COL10A1: variants seen among roughly 807,000 people sequenced by gnomAD.
COL10A1 encodes the protein collagen type X alpha 1 chain, also known as collagen alpha-1(X) chain.
COL10A1 carries 10 observed loss-of-function variants against 18.2 expected under a neutral mutation model. The ratio of observed to expected loss-of-function variants is 0.55; its 90% CI spans 0.34 to 0.93. COL10A1 has a LOEUF of 0.93. COL10A1 is among the 40% of genes least tolerant of loss of function. The pLI is 0.02. For missense variants in COL10A1, 897 were observed against 853.5 expected (o/e 1.05, Z -0.64); for synonymous variants, 330 against 316.6 (o/e 1.04, Z -0.45).
the COL10A1 span, among the ~76,000 whole-genome samples, chr6:116,170,839 G>T: frequency 1.3e-4 from 20 of 152,194 alleles, no homozygotes; most frequent in South Asian, 3.7e-3. Flanking sequence ...CCCACCTGCC[G>T]TGTAGCCTAT....
intron 1 of COL10A1, among the ~76,000 whole-genome samples, chr6:116,143,929 T>C (rs564883697): frequency 2.6e-5 from 4 of 152,344 alleles, no homozygotes; most frequent in African/African-American, 7.2e-5. Flanking sequence ...TTTGTAATGC[T>C]TTATAATAAA....
chr6:116,191,427 A>G, the COL10A1 span, among the ~76,000 whole-genome samples: 1 of 152,086 alleles, frequency 6.6e-6, no homozygotes, highest in Admixed American at 6.6e-5. Flanking sequence ...ACGGGAAAGA[A>G]GAGGAGGGAA....
exon 1 of COL10A1, chr6:116,158,718 G>C (rs1582842416): frequency 2.6e-5 from 4 of 152,286 alleles, no homozygotes; most frequent in Admixed American, 2.6e-4. Context: ...CATGGATGCT[G>C]TCAGTGGTGA....
At chr6:116,155,112 C>G (rs1354885435) in intron 1 of COL10A1, among the ~76,000 whole-genome samples, 1 of 152,064 alleles carries the variant, frequency 6.6e-6, no homozygotes, top group Non-Finnish European at 1.5e-5. Context: ...CCATTACTTT[C>G]AATGGCAAAG....
intron 1 of COL10A1, among the ~76,000 whole-genome samples, chr6:116,146,495 A>G (rs1184415386): frequency 6.6e-6 from 1 of 152,218 alleles, no homozygotes; most frequent in Non-Finnish European, 1.5e-5. Flanking sequence ...AGCCAGAGAA[A>G]TTCTTAGCTG....
chr6:116,217,117 G>A, the COL10A1 span, among the ~76,000 whole-genome samples: 1 of 152,130 alleles, frequency 6.6e-6, no homozygotes, highest in Non-Finnish European at 1.5e-5. Flanking sequence ...GATAGAAATA[G>A]TGATGTGGCA....
chr6:116,179,378 C>T, the COL10A1 span, among the ~76,000 whole-genome samples: 83 of 152,050 alleles, frequency 5.5e-4, no homozygotes, highest in Non-Finnish European at 1.0e-3. Context: ...AGCATTCATT[C>T]CTTTTCATGC....
chr6:116,169,124 T>C, the COL10A1 span, among the ~76,000 whole-genome samples: 2 of 152,186 alleles, frequency 1.3e-5, no homozygotes, highest in African/African-American at 4.8e-5. Context: ...GTGTTACTGC[T>C]AATTCCAGGC....
the COL10A1 span, among the ~76,000 whole-genome samples, chr6:116,198,408 A>G: frequency 0.039 from 5,875 of 152,102 alleles, 152 homozygotes; most frequent in South Asian, 0.072. Flanking sequence ...TTTAAAGAGC[A>G]TGCCTTCTTC....
At chr6:116,143,304 A>G (rs1374202004) in intron 1 of COL10A1, among the ~76,000 whole-genome samples, 1 of 152,064 alleles carries the variant, frequency 6.6e-6, no homozygotes, top group Admixed American at 6.5e-5. Context: ...TCCAACTCCC[A>G]GGTTCAAGCA....
the COL10A1 span, among the ~76,000 whole-genome samples, chr6:116,166,234 T>A: frequency 1.3e-5 from 2 of 152,180 alleles, no homozygotes; most frequent in Non-Finnish European, 1.5e-5. Context: ...CAACAGATCC[T>A]GGCTATCTTC....
the COL10A1 span, among the ~76,000 whole-genome samples, chr6:116,186,253 G>T: frequency 1.3e-5 from 2 of 151,776 alleles, no homozygotes; most frequent in Non-Finnish European, 2.9e-5. Flanking sequence ...TAATCTGATA[G>T]GTTTTCCTTT....
intron 2 of COL10A1, among the ~76,000 whole-genome samples, chr6:116,122,503 A>G (rs1278192162): frequency 6.6e-6 from 1 of 152,190 alleles, no homozygotes; most frequent in Non-Finnish European, 1.5e-5. Context: ...TCCATTATTG[A>G]CTTAAAATTG....
the COL10A1 span, among the ~76,000 whole-genome samples, chr6:116,211,091 C>G: frequency 1.3e-5 from 2 of 152,128 alleles, no homozygotes; most frequent in East Asian, 3.9e-4. Flanking sequence ...AACACTTGCT[C>G]TGGGGGAAAC....
At chr6:116,155,192 G>T (rs1010494772) in intron 1 of COL10A1, among the ~76,000 whole-genome samples, 1 of 152,152 alleles carries the variant, frequency 6.6e-6, no homozygotes, top group African/African-American at 2.4e-5. Flanking sequence ...CAAGTAGTTT[G>T]CATGGGTTTA....
At chr6:116,143,824 A>G (rs2114373719) in intron 1 of COL10A1, among the ~76,000 whole-genome samples, 1 of 152,260 alleles carries the variant, frequency 6.6e-6, no homozygotes, top group South Asian at 2.1e-4. Context: ...AAAAATTAGG[A>G]CTGTCATTTA....
upstream of COL10A1, among the ~76,000 whole-genome samples, chr6:116,130,936 C>T (rs1164117795): frequency 1.3e-5 from 2 of 152,116 alleles, no homozygotes; most frequent in Non-Finnish European, 2.9e-5. Context: ...TTCACTAGAG[C>T]TGCATTACTG....
the COL10A1 span, among the ~76,000 whole-genome samples, chr6:116,209,996 A>G: frequency 6.6e-6 from 1 of 152,036 alleles, no homozygotes; most frequent in Non-Finnish European, 1.5e-5. Flanking sequence ...ACTCTATTCC[A>G]TACCCAAGTT....
At chr6:116,211,931 G>A in the COL10A1 span, among the ~76,000 whole-genome samples, 9 of 152,082 alleles carry the variant, frequency 5.9e-5, no homozygotes, top group African/African-American at 2.2e-4. Flanking sequence ...GTTGCAAAGA[G>A]TATTGGGGTT....
Sources: gnomAD v4.1 joint callset for allele counts (sites outside exome capture counted in the v4.1 genomes callset) on GRCh38, gnomAD v4.1.1 for gene constraint, MANE v1.5 for transcripts, NCBI Gene and HGNC (gene_info 2026-07-23, HGNC 2026-07-21) for gene names.